The following RELN variants were observed in gnomAD, a reference collection of about 807,000 sequenced individuals.
RELN encodes reelin.
In RELN, 108 loss-of-function variants were observed where a neutral mutation model predicts 427.6. The ratio of observed to expected loss-of-function variants is 0.25; its 90% CI spans 0.22 to 0.30. The LOEUF is 0.30. Ranked by LOEUF, RELN falls within the 10% of genes least tolerant of loss-of-function variation. RELN has a pLI of 1.00. For synonymous variants in RELN, 1,524 were observed against 1,513.4 expected, an observed-to-expected ratio of 1.01 and a Z score of -0.16; for missense variants, 3,715 against 4,302.8, an observed-to-expected ratio of 0.86 and a Z score of 3.82.
chr7:103,830,990 T>C lies in RELN; in HGVS notation c.473+2547A>G, dbSNP rs141372278. Among the ~76,000 whole-genome samples, 52 of 152,244 alleles carry C rather than the reference T, an allele frequency of 3.4e-4. 2 individuals are homozygous for C. The highest frequency in any genetic ancestry group is 1.2e-3 in the African/African-American group (49 of 41,566). On this transcript the variant is annotated intron_variant, in intron 3 of 64. Transcript: ENST00000428762. ...AAACTGTATTTTTCCAACTAACTGC[T>C]AAGAAAACACTGTTTGAATCTAAGA...
At position 103,566,418 on chromosome 7, in the gene RELN, A is replaced by G. The variant is rs1025031303; in HGVS notation, c.4748-6T>C. 9 of 1,613,348 alleles carry G rather than the reference A, an allele frequency of 5.6e-6. No homozygotes were observed. The highest frequency in any genetic ancestry group is 1.7e-4 in the Middle Eastern group (1 of 6,060). On this transcript the variant is annotated splice_polypyrimidine_tract_variant and splice_region_variant and intron_variant, in intron 32 of 64. Coordinates refer to ENST00000428762, the MANE Select transcript of RELN (RefSeq NM_005045.4). ...CCACTGGGCTGAATGCTTCCCTGCA[A>G]TCAGATGAATAAAGGTGGTTAGAGA...
chr7:103,683,063 C>T (rs1833689588), intron 10 of RELN, among the ~76,000 whole-genome samples: 1 of 151,836 alleles, frequency 6.6e-6, no homozygotes, highest in Admixed American at 6.6e-5. Flanking sequence ...TAGAGAGATG[C>T]TTGGGGCTGG....
In RELN at chr7:103,860,243, A is replaced by G. The variant is rs901724763; in HGVS notation, c.338-26571T>C. 1.3e-4 allele frequency among the ~76,000 whole-genome samples: 20 copies of G among 152,360 alleles called. 4 individuals are homozygous for G. Among genetic ancestry groups the G allele is most frequent in the Admixed American group, 1.1e-3 (17 of 15,290 alleles). ...CAAAACACTTAATATTCATCATATC[A>G]TGAATTCTGTGAGGCAAATATTTTA... On this transcript the variant is annotated intron_variant, in intron 2 of 64. Transcript: ENST00000428762.
chr7:103,961,398 T>C (rs1310238304), intron 1 of RELN, among the ~76,000 whole-genome samples: 1 of 152,142 alleles, frequency 6.6e-6, no homozygotes, highest in East Asian at 1.9e-4. Flanking sequence ...TTTAGTTTTT[T>C]TCCCCCTTTT....
chr7:103,877,725 C>G (rs1199350431), intron 2 of RELN, among the ~76,000 whole-genome samples: 2 of 152,136 alleles, frequency 1.3e-5, no homozygotes, highest in African/African-American at 2.4e-5. Flanking sequence ...CATCTTCCAT[C>G]TCTTCTCCAG....
chr7:103,617,994 G>C (rs1273857749), intron 20 of RELN, among the ~76,000 whole-genome samples: 1 of 152,124 alleles, frequency 6.6e-6, no homozygotes, highest in East Asian at 1.9e-4. Flanking sequence ...AGTGGAAGCA[G>C]CCTGAATCCC....
intron 10 of RELN, among the ~76,000 whole-genome samples, chr7:103,688,059 C>T (rs961804523): frequency 6.6e-6 from 1 of 152,028 alleles, no homozygotes; most frequent in Non-Finnish European, 1.5e-5. Context: ...ATATCTTATA[C>T]CCACCTCTTG....
At chr7:103,923,864 A>G (rs929834898) in intron 1 of RELN, among the ~76,000 whole-genome samples, 4 of 152,288 alleles carry the variant, frequency 2.6e-5, no homozygotes, top group East Asian at 1.9e-4. Flanking sequence ...CTTAATAATA[A>G]TAATAGCTAA....
intron 6 of RELN, among the ~76,000 whole-genome samples, chr7:103,736,756 G>C (rs1056859127): frequency 2.0e-5 from 3 of 152,108 alleles, no homozygotes; most frequent in Non-Finnish European, 4.4e-5. Context: ...ATTCCTTTGA[G>C]TGAGCTCTTG....
chr7:103,622,580 T>A (rs576313293), intron 20 of RELN, among the ~76,000 whole-genome samples: 1 of 152,220 alleles, frequency 6.6e-6, no homozygotes, highest in Non-Finnish European at 1.5e-5. Context: ...TGAAGCTATA[T>A]GATCTAGTTT....
chr7:103,854,278 T>C (rs1793892006), intron 2 of RELN, among the ~76,000 whole-genome samples: 1 of 152,194 alleles, frequency 6.6e-6, no homozygotes, highest in African/African-American at 2.4e-5. Flanking sequence ...CCATTACTCA[T>C]AAATAATCGT....
intron 21 of RELN, 100 bp from the exon 22 acceptor site, chr7:103,610,907 T>C (rs1236645463): frequency 4.1e-6 from 3 of 736,116 alleles, no homozygotes; most frequent in Non-Finnish European, 7.5e-6. Context: ...CAGAGAAATC[T>C]AATGTCATAA....
intron 4 of RELN, among the ~76,000 whole-genome samples, chr7:103,757,882 T>C (rs902886853): frequency 1.1e-4 from 16 of 152,168 alleles, no homozygotes; most frequent in African/African-American, 2.9e-4. Context: ...GTGAGACCCA[T>C]GAAACTGTAC....
At chr7:103,543,983 C>T (rs1830229375) in intron 42 of RELN, among the ~76,000 whole-genome samples, 1 of 152,126 alleles carries the variant, frequency 6.6e-6, no homozygotes, top group South Asian at 2.1e-4. Flanking sequence ...TATGAATTTA[C>T]TTATTCTGAA....
chr7:103,652,465 C>G (rs1832938666), intron 14 of RELN, 86 bp downstream of exon 14: 1 of 1,070,164 alleles, frequency 9.3e-7, no homozygotes, highest in South Asian at 1.3e-5. Flanking sequence ...CCAGTTAAAA[C>G]TCTACCTAGA....
chr7:103,797,403 C>T (rs1448415906), intron 3 of RELN, among the ~76,000 whole-genome samples: 2 of 152,028 alleles, frequency 1.3e-5, no homozygotes, highest in Non-Finnish European at 2.9e-5. Context: ...CTGTGCCTGG[C>T]CAGGAATCAT....
At chr7:103,927,323 A>G (rs1269124989) in intron 1 of RELN, among the ~76,000 whole-genome samples, 1 of 152,218 alleles carries the variant, frequency 6.6e-6, no homozygotes, top group Non-Finnish European at 1.5e-5. Context: ...AAGACTCTCT[A>G]TTCCACATTT....
chr7:103,722,753 G>GAAAGA (rs1448835320), intron 8 of RELN, among the ~76,000 whole-genome samples: 1 of 152,134 alleles, frequency 6.6e-6, no homozygotes, highest in African/African-American at 2.4e-5. Context: ...TCGGTTACCA[G>GAAAGA]TAATTATCTT....
intron 8 of RELN, among the ~76,000 whole-genome samples, chr7:103,720,860 T>C (rs113705381): frequency 1.4e-4 from 21 of 152,212 alleles, no homozygotes; most frequent in African/African-American, 4.1e-4. Context: ...TATAAACAAA[T>C]GATAATGAGA....
Sources: gnomAD v4.1 joint callset for allele counts (sites outside exome capture counted in the v4.1 genomes callset) on GRCh38, gnomAD v4.1.1 for gene constraint, MANE v1.5 for transcripts, NCBI Gene and HGNC (gene_info 2026-07-23, HGNC 2026-07-21) for gene names.